Variants in TJAP1 observed in about 807,000 individuals in gnomAD.
The protein encoded by TJAP1 is tight junction associated protein 1.
A neutral mutation model predicts 42.0 loss-of-function variants in TJAP1; 27 were observed. The observed-to-expected ratio is 0.64, with a 90% CI of 0.47 to 0.89. TJAP1 has a LOEUF of 0.89. Among genes scored for constraint, TJAP1 ranks in the 40% least tolerant of loss-of-function variants. The probability of loss-of-function intolerance (pLI) is 0.00; values close to 1 mark genes in which losing one functional copy is unlikely to be tolerated. For synonymous variants in TJAP1, 257 were observed against 288.4 expected, an observed-to-expected ratio of 0.89 and a Z score of 1.10; for missense variants, 712 against 726.9, an observed-to-expected ratio of 0.98 and a Z score of 0.24.
exon 11 of TJAP1, chr6:43,506,403 G>A (rs1237726230): frequency 6.5e-6 from 1 of 152,768 alleles, no homozygotes; most frequent in Non-Finnish European, 1.5e-5. Context: ...CCTCCCTCTG[G>A]AAAGGAGGGT....
intron 2 of TJAP1, among the ~76,000 whole-genome samples, chr6:43,482,243 A>G (rs191270760): frequency 6.6e-6 from 1 of 152,360 alleles, no homozygotes; most frequent in East Asian, 1.9e-4. Flanking sequence ...TGCAAGGTGA[A>G]GGATGATGGA....
intron 7 of TJAP1, 97 bp downstream of exon 7, chr6:43,502,446 G>C: frequency 1.3e-6 from 2 of 1,520,596 alleles, no homozygotes; most frequent in Non-Finnish European, 1.8e-6. Flanking sequence ...CCTGGGGCTT[G>C]AGGGAGATGG....
At chr6:43,499,062 C>T in exon 4 of TJAP1, 1 of 1,614,108 alleles carries the variant, frequency 6.2e-7, no homozygotes, top group Non-Finnish European at 8.5e-7. Context: ...GCATCGGGAG[C>T]TGCGTTTGGA....
chr6:43,492,767 G>T lies in TJAP1; in HGVS notation c.-121-5114G>T, dbSNP rs564358280. On this transcript the variant is annotated intron_variant, in intron 2 of 10. Transcript: ENST00000372449. The surrounding 1 kb of genome is among the most constrained non-coding windows in gnomAD (Gnocchi z 4.2). Reference sequence around the variant, plus strand: ...TGGTTCCAGGGCTTACGCTTGCAGGGTGACCATTTGTGTTCCTTAGACATC... The same window carrying T: ...TGGTTCCAGGGCTTACGCTTGCAGGTTGACCATTTGTGTTCCTTAGACATC... Among the ~76,000 whole-genome samples, 2 of 152,298 alleles carry T rather than the reference G, an allele frequency of 1.3e-5. No homozygotes were observed. Among genetic ancestry groups the T allele is most frequent in the East Asian group, 3.9e-4 (2 of 5,180 alleles).
At chr6:43,501,453 C>T (rs1790495694) in intron 5 of TJAP1, 73 bp from the exon 6 acceptor site, 1 of 1,406,204 alleles carries the variant, frequency 7.1e-7, no homozygotes, top group Non-Finnish European at 9.8e-7. Flanking sequence ...TTCCTGAGCC[C>T]ACTCTGGAGC....
chr6:43,501,687 G>C (rs1419145441), exon 6 of TJAP1: 1 of 992,674 alleles, frequency 1.0e-6, no homozygotes, highest in East Asian at 2.5e-5. Flanking sequence ...AAGTTCCGCA[G>C]GTGTGGGAAT....
rs963420574 is a variant in TJAP1, at chr6:43,491,016, C to T, written c.-121-6865C>T. On this transcript the variant is annotated intron_variant, in intron 2 of 10. Coordinates refer to ENST00000372449, the Ensembl canonical transcript of TJAP1. This position sits in a 1 kb window ranked among gnomAD's most constrained non-coding sequence, Gnocchi z 4.6. Reference sequence around the variant, plus strand: ...GGTCACTCTAGATAGACTGTGGCTTCGGCTTCCGGAGGCAGTGTGGTGCTA... The same window carrying T: ...GGTCACTCTAGATAGACTGTGGCTTTGGCTTCCGGAGGCAGTGTGGTGCTA... 1.5e-4 allele frequency among the ~76,000 whole-genome samples: 23 copies of T among 152,134 alleles called. No homozygotes were observed. The highest frequency in any genetic ancestry group is 2.2e-4 in the Non-Finnish European group (15 of 68,038).
intron 4 of TJAP1, 182 bp from the exon 5 acceptor site, chr6:43,500,562 G>T: frequency 1.6e-6 from 1 of 615,560 alleles, no homozygotes; most frequent in Non-Finnish European, 3.0e-6. Context: ...CATGGGAGAG[G>T]GTAGTCGAGG....
exon 6 of TJAP1, chr6:43,501,551 C>T (rs780406788): frequency 1.9e-6 from 3 of 1,613,764 alleles, no homozygotes; most frequent in South Asian, 1.1e-5. Context: ...GAATGAAGAG[C>T]TTCGCCGGCG....
intron 2 of TJAP1, among the ~76,000 whole-genome samples, chr6:43,494,692 G>C (rs891872470): frequency 7.1e-6 from 1 of 140,428 alleles, no homozygotes; most frequent in Non-Finnish European, 1.5e-5. Flanking sequence ...CTGTCTCCCA[G>C]GCTGGAGTGT....
At chr6:43,477,580 C>T (rs1438176456) in exon 1 of TJAP1, 2 of 152,382 alleles carry the variant, frequency 1.3e-5, no homozygotes, top group Non-Finnish European at 2.9e-5. Context: ...ACTACCCGGC[C>T]TGCCCCGCGG....
exon 9 of TJAP1, chr6:43,503,431 C>G: frequency 1.2e-6 from 2 of 1,614,058 alleles, no homozygotes; most frequent in Non-Finnish European, 1.7e-6. Flanking sequence ...TAGGAAGACG[C>G]TGGACTGGGA....
rs113156330 is a variant in TJAP1, at chr6:43,479,531, C to T, written c.-122+1299C>T. Among the ~76,000 whole-genome samples the T allele has an allele frequency of 3.9e-4, 59 of 152,290 alleles. 1 individual carries two copies. The highest frequency in any genetic ancestry group is 3.4e-3 in the Middle Eastern group (1 of 294). On this transcript the variant is annotated intron_variant, in intron 2 of 10. Coordinates refer to ENST00000372449, the Ensembl canonical transcript of TJAP1. ...TCTGAGCCCGGCCTAGTGGCACATA[C>T]CTGTAGTCCCAGCTACTTGGGATAC...
In TJAP1 at chr6:43,501,707, G is replaced by GACAGACAC. The variant is rs1223690675; in HGVS notation, c.290+23_290+24insGACACACA. 7.3e-5 allele frequency: 42 copies of GACAGACAC among 571,854 alleles called. No homozygotes were observed. The African/African-American group carries it at 9.6e-4, about 13-fold the overall frequency. The allele number at this position is 571,854 out of a possible 1,614,324, so 35.4% of individuals were successfully genotyped here. A position where few individuals can be genotyped will look rare whatever the true frequency, so the allele number is the denominator to read the frequency against. Reference sequence around the variant, plus strand: ...CCGCAGGTGTGGGAATGAGGGGCCAGACACACACACACACACACACACACA... The same window carrying GACAGACAC: ...CCGCAGGTGTGGGAATGAGGGGCCAGACAGACACACACACACACACACACACACACACA... On this transcript the variant is annotated intron_variant, in intron 6 of 10. Transcript: ENST00000372449.
At chr6:43,494,480 G>A (rs1327117167) in intron 2 of TJAP1, among the ~76,000 whole-genome samples, 1 of 151,982 alleles carries the variant, frequency 6.6e-6, no homozygotes, top group Admixed American at 6.6e-5. Context: ...GTCAGCGAGA[G>A]GTTTTAACCT....
chr6:43,502,076 A>ACACACACACACACACACTCTCTCT, intron 6 of TJAP1, among the ~76,000 whole-genome samples: 1 of 68,930 alleles, frequency 1.5e-5, no homozygotes, highest in African/African-American at 7.7e-5. Flanking sequence ...ACACACACAC[A>ACACACACACACACACACTCTCTCT]CTCTCTCTCT....
intron 2 of TJAP1, among the ~76,000 whole-genome samples, chr6:43,480,703 C>CG (rs1196418865): frequency 1.3e-5 from 2 of 152,168 alleles, no homozygotes; most frequent in East Asian, 3.9e-4. Context: ...TTAGTAGAAA[C>CG]GGGGGTTTCA....
chr6:43,502,184 G>A, intron 6 of TJAP1, 99 bp from the exon 7 acceptor site: 1 of 1,224,296 alleles, frequency 8.2e-7, no homozygotes, highest in East Asian at 2.5e-5. Context: ...AGTTCTTGAG[G>A]GAGAATGACA....
At chr6:43,489,049 G>A (rs1379505994) in intron 2 of TJAP1, among the ~76,000 whole-genome samples, 1 of 152,170 alleles carries the variant, frequency 6.6e-6, no homozygotes, top group Non-Finnish European at 1.5e-5. Flanking sequence ...TCTTTTCCCT[G>A]CCAACATCTT....
Sources: allele counts gnomAD v4.1 joint callset (sites outside exome capture counted in the v4.1 genomes callset), GRCh38; gene constraint gnomAD v4.1.1; non-coding constraint Gnocchi (gnomAD v3.1); transcripts MANE v1.5; gene names NCBI Gene and HGNC (gene_info 2026-07-23, HGNC 2026-07-21).